MAGI2: variants seen among roughly 807,000 people sequenced by gnomAD.
MAGI2 encodes the protein membrane-associated guanylate kinase, WW and PDZ domain-containing protein 2.
A neutral mutation model predicts 133.3 loss-of-function variants in MAGI2; 35 were observed. The observed-to-expected ratio is 0.26, with a 90% confidence interval of 0.20 to 0.35. The LOEUF is 0.35. Among genes scored for constraint, MAGI2 ranks in the 10% least tolerant of loss-of-function variants. The pLI is 1.00. For synonymous variants in MAGI2, 729 were observed against 710.6 expected (o/e 1.03, Z -0.41); for missense variants, 1,636 against 1,863.4 (o/e 0.88, Z 2.25).
intron 6 of MAGI2, among the ~76,000 whole-genome samples, chr7:78,391,398 CATG>C (rs1795887184): frequency 6.6e-6 from 1 of 152,084 alleles, no homozygotes; most frequent in Non-Finnish European, 1.5e-5. Context: ...CTGGCATTCA[CATG>C]ATAAGGAAAT....
chr7:79,242,979 G>A (rs899445330), intron 1 of MAGI2, among the ~76,000 whole-genome samples: 1 of 152,100 alleles, frequency 6.6e-6, no homozygotes, highest in Non-Finnish European at 1.5e-5. Flanking sequence ...CACTTTGGGA[G>A]GCTGAGGTGG....
chr7:79,433,925 A>T (rs1433638244), intron 1 of MAGI2, among the ~76,000 whole-genome samples: 1 of 152,210 alleles, frequency 6.6e-6, no homozygotes, highest in East Asian at 1.9e-4. Flanking sequence ...TGATGGAATA[A>T]ACTTATTTCT....
intron 1 of MAGI2, among the ~76,000 whole-genome samples, chr7:79,300,699 G>A (rs1837327407): frequency 6.6e-6 from 1 of 152,198 alleles, no homozygotes; most frequent in Non-Finnish European, 1.5e-5. Flanking sequence ...CTAGAGAGAT[G>A]TGCATAATTC....
intron 10 of MAGI2, among the ~76,000 whole-genome samples, chr7:78,214,447 T>A (rs1021338979): frequency 6.6e-6 from 1 of 152,224 alleles, no homozygotes; most frequent in African/African-American, 2.4e-5. Flanking sequence ...ATCTTTTTGA[T>A]GTCTTGGCAC....
At chr7:78,440,232 T>G (rs1787473594) in intron 6 of MAGI2, among the ~76,000 whole-genome samples, 1 of 152,142 alleles carries the variant, frequency 6.6e-6, no homozygotes, top group African/African-American at 2.4e-5. Context: ...CTCCTATAAT[T>G]CAGGCATGCA....
At chr7:79,175,770 C>T (rs1157474151) in intron 1 of MAGI2, among the ~76,000 whole-genome samples, 3 of 151,924 alleles carry the variant, frequency 2.0e-5, no homozygotes, top group Non-Finnish European at 2.9e-5. Flanking sequence ...TTTGTGTATT[C>T]GAATATATCT....
intron 2 of MAGI2, among the ~76,000 whole-genome samples, chr7:78,667,909 A>G (rs1238110673): frequency 8.5e-5 from 13 of 152,304 alleles, no homozygotes; most frequent in South Asian, 8.3e-4. Flanking sequence ...TACACCCAGT[A>G]ATGGGATGGC....
chr7:78,608,980 C>A (rs1489909626), intron 3 of MAGI2, among the ~76,000 whole-genome samples: 1 of 152,104 alleles, frequency 6.6e-6, no homozygotes, highest in East Asian at 1.9e-4. Flanking sequence ...TCAAGGAGAG[C>A]CAATCTGAGT....
At chr7:79,441,317 A>T (rs554333917) in intron 1 of MAGI2, among the ~76,000 whole-genome samples, 1 of 151,900 alleles carries the variant, frequency 6.6e-6, no homozygotes, top group Non-Finnish European at 1.5e-5. Context: ...ATCTGAAAAG[A>T]TATTCAACTG....
intron 2 of MAGI2, among the ~76,000 whole-genome samples, chr7:78,713,978 A>T (rs1819458366): frequency 6.7e-6 from 1 of 149,396 alleles, no homozygotes; most frequent in Non-Finnish European, 1.5e-5. Context: ...TTGGGTAAGC[A>T]AACTCTGTTA....
chr7:78,664,915 T>C (rs1563320189), intron 2 of MAGI2, among the ~76,000 whole-genome samples: 1 of 152,096 alleles, frequency 6.6e-6, no homozygotes, highest in Non-Finnish European at 1.5e-5. Flanking sequence ...TCATGATTCA[T>C]TCTTCCTTAC....
At chr7:78,117,165 A>G (rs1051366231) in intron 20 of MAGI2, among the ~76,000 whole-genome samples, 3 of 151,850 alleles carry the variant, frequency 2.0e-5, no homozygotes, top group Non-Finnish European at 4.4e-5. Context: ...AACAAAAAGG[A>G]TTATTCTATT....
chr7:78,250,377 T>C (rs537241183), intron 10 of MAGI2, among the ~76,000 whole-genome samples: 27 of 152,196 alleles, frequency 1.8e-4, no homozygotes, highest in African/African-American at 5.5e-4. Context: ...GTAAAATTTA[T>C]GGAATTTAGC....
intron 10 of MAGI2, among the ~76,000 whole-genome samples, chr7:78,232,999 G>A (rs758389121): frequency 6.6e-6 from 1 of 152,192 alleles, no homozygotes; most frequent in Non-Finnish European, 1.5e-5. Flanking sequence ...ATGGAATGAA[G>A]AATGAGTTAA....
intron 2 of MAGI2, among the ~76,000 whole-genome samples, chr7:78,747,515 A>G (rs1823035303): frequency 6.6e-6 from 1 of 151,960 alleles, no homozygotes. Context: ...AGCATAGTCG[A>G]CTAAACCAGA....
At chr7:79,313,176 A>C (rs548869444) in intron 1 of MAGI2, among the ~76,000 whole-genome samples, 1 of 152,322 alleles carries the variant, frequency 6.6e-6, no homozygotes, top group East Asian at 1.9e-4. Flanking sequence ...TACTACTACT[A>C]AAATTATTAT....
chr7:78,253,272 G>C (rs142955807), intron 10 of MAGI2: 1 of 152,212 alleles, frequency 6.6e-6, no homozygotes, highest in Admixed American at 6.5e-5. Flanking sequence ...CACCGACATA[G>C]GTAACTCTCA....
intron 6 of MAGI2, among the ~76,000 whole-genome samples, chr7:78,402,256 T>G (rs1390298165): frequency 2.6e-5 from 4 of 151,500 alleles, no homozygotes; most frequent in African/African-American, 7.3e-5. Context: ...ACCTGGGGGG[T>G]GTGTGCGTGT....
chr7:79,056,280 C>T (rs1259745897), intron 1 of MAGI2, among the ~76,000 whole-genome samples: 3 of 152,020 alleles, frequency 2.0e-5, no homozygotes, highest in Admixed American at 6.6e-5. Context: ...CCCAGCTACT[C>T]AGAAGGCTGC....
Sources: gnomAD v4.1 joint callset for allele counts (sites outside exome capture counted in the v4.1 genomes callset) on GRCh38, gnomAD v4.1.1 for gene constraint, MANE v1.5 for transcripts, NCBI Gene and HGNC (gene_info 2026-07-23, HGNC 2026-07-21) for gene names.